FNIP2: variants seen among roughly 807,000 people sequenced by gnomAD.
FNIP2 encodes the protein folliculin interacting protein 2, also known as folliculin-interacting protein 2.
In FNIP2, 32 loss-of-function variants were observed where a neutral mutation model predicts 108.7. The ratio of observed to expected loss-of-function variants is 0.29; its 90% confidence interval spans 0.22 to 0.40. The LOEUF (loss-of-function observed/expected upper bound fraction) is 0.40, where lower values mean the gene tolerates loss of function less well. FNIP2 is among the 10% of genes least tolerant of loss of function. FNIP2 has a pLI of 1.00. For synonymous variants in FNIP2, 480 were observed against 496.7 expected (o/e 0.97, Z 0.45); for missense variants, 1,202 against 1,381.6 (o/e 0.87, Z 2.06).
intron 7 of FNIP2, 26 bp downstream of exon 7, chr4:158,835,502 A>C (rs748733115): frequency 5.6e-6 from 9 of 1,601,958 alleles, no homozygotes; most frequent in Non-Finnish European, 7.7e-6. Flanking sequence ...TTATTGGTTT[A>C]ACTAACAGAG....
chr4:158,883,013 A>G (rs2126751099), intron 14 of FNIP2, among the ~76,000 whole-genome samples: 1 of 152,174 alleles, frequency 6.6e-6, no homozygotes, highest in East Asian at 1.9e-4. Context: ...AAAGCAAAGA[A>G]AAATTTATAT....
chr4:158,792,372 C>CT (rs879390673), intron 1 of FNIP2, among the ~76,000 whole-genome samples: 2,161 of 134,120 alleles, frequency 0.016, 31 homozygotes, highest in African/African-American at 0.034. Context: ...GAATTTAGTG[C>CT]TTTTTTTTTT....
At chr4:158,822,514 C>T (rs529496411) in intron 1 of FNIP2, among the ~76,000 whole-genome samples, 61 of 152,164 alleles carry the variant, frequency 4.0e-4, no homozygotes, top group African/African-American at 3.9e-4. Flanking sequence ...GTTTAACAGA[C>T]GGGATCTCAC....
intron 16 of FNIP2, 32 bp downstream of exon 16, chr4:158,895,897 T>C (rs769626331): frequency 2.7e-6 from 4 of 1,467,818 alleles, no homozygotes; most frequent in Non-Finnish European, 3.8e-6. Flanking sequence ...CACTTGTCCC[T>C]TTGATAGGTA....
At chr4:158,780,805 G>T (rs1776016685) in intron 1 of FNIP2, among the ~76,000 whole-genome samples, 1 of 152,200 alleles carries the variant, frequency 6.6e-6, no homozygotes, top group African/African-American at 2.4e-5. Flanking sequence ...GGCTGAGGCA[G>T]GCAGATCATT....
intron 8 of FNIP2, among the ~76,000 whole-genome samples, chr4:158,858,307 G>T (rs1346918366): frequency 6.6e-6 from 1 of 152,102 alleles, no homozygotes; most frequent in Admixed American, 6.6e-5. Context: ...TATTTTATTT[G>T]TACTCTTGCT....
At position 158,869,351 on chromosome 4, in the gene FNIP2, C is replaced by T. The variant is rs372959949; in HGVS notation, c.2715C>T (p.Cys905=). The change falls in exon 13 of 17, where the codon TGC becomes TGT. Residue 905 remains cysteine (C), a synonymous_variant. Transcript: ENST00000264433. ...TGGGAGACAGTGACGACGAAGCCTG[C>T]GCTTCAGCCATGCTAGATCTGGGTC... ...SALGDSDDEA[C]ASAMLDLGHG... 2.3e-5 allele frequency: 37 copies of T among 1,612,664 alleles called. No individual in the cohort carries two copies. Among genetic ancestry groups the T allele is most frequent in the Non-Finnish European group, 2.6e-5 (31 of 1,179,434 alleles).
chr4:158,785,978 A>C (rs1253375363), intron 1 of FNIP2, among the ~76,000 whole-genome samples: 1 of 152,218 alleles, frequency 6.6e-6, no homozygotes, highest in Non-Finnish European at 1.5e-5. Context: ...AGGGTCTGTC[A>C]TAAGAATAGT....
intron 1 of FNIP2, among the ~76,000 whole-genome samples, chr4:158,805,251 G>C (rs758158776): frequency 3.9e-5 from 6 of 152,192 alleles, no homozygotes; most frequent in Non-Finnish European, 8.8e-5. Flanking sequence ...ACTAAGAAAA[G>C]GAAAAGAATT....
intron 1 of FNIP2, among the ~76,000 whole-genome samples, chr4:158,788,231 C>T (rs1051430728): frequency 1.3e-5 from 2 of 152,210 alleles, no homozygotes; most frequent in South Asian, 2.1e-4. Flanking sequence ...TCCTGGAAGC[C>T]TTTGCCGATA....
At position 158,905,352 on chromosome 4, in the gene FNIP2, C is replaced by CT. The variant is rs1427146315; in HGVS notation, c.*813dup. 2.0e-5 allele frequency: 3 copies of CT among 152,180 alleles called. No homozygotes were observed. The highest frequency in any genetic ancestry group is 1.3e-4 in the Admixed American group (2 of 15,274). The allele number at this position is 152,180 out of a possible 1,614,324, so 9.4% of individuals were successfully genotyped here. A position where few individuals can be genotyped will look rare whatever the true frequency, so the allele number is the denominator to read the frequency against. On this transcript the variant is annotated 3_prime_UTR_variant, in exon 17 of 17. Coordinates refer to ENST00000264433, the MANE Select transcript of FNIP2 (RefSeq NM_020840.3). ...CTTATATTTTAGAGCTTTCAGCAGC[C>CT]TTTTTAAGAGAGGCCACTTACCAAA...
At chr4:158,840,643 A>C (rs1023989500) in intron 7 of FNIP2, among the ~76,000 whole-genome samples, 1 of 152,072 alleles carries the variant, frequency 6.6e-6, no homozygotes, top group South Asian at 2.1e-4. Flanking sequence ...TGATTCACCC[A>C]CCTCAGCCTC....
intron 1 of FNIP2, among the ~76,000 whole-genome samples, chr4:158,784,657 TC>T (rs1776157169): frequency 6.6e-6 from 1 of 152,088 alleles, no homozygotes; most frequent in African/African-American, 2.4e-5. Flanking sequence ...GCAGCCTAGC[TC>T]CCTCGCGTGC....
intron 14 of FNIP2, among the ~76,000 whole-genome samples, chr4:158,889,413 T>G (rs1401664506): frequency 4.6e-5 from 7 of 152,224 alleles, no homozygotes; most frequent in Non-Finnish European, 1.0e-4. Context: ...AGCAGTTAGT[T>G]GCTTAAAACA....
intron 16 of FNIP2, among the ~76,000 whole-genome samples, chr4:158,902,557 G>GT (rs142403816): frequency 0.032 from 4,798 of 152,300 alleles, 110 homozygotes; most frequent in Non-Finnish European, 0.048. Context: ...AGGCAGGGAT[G>GT]TTTAAGTCTG....
intron 14 of FNIP2, among the ~76,000 whole-genome samples, chr4:158,870,957 C>T (rs1205618343): frequency 6.6e-6 from 1 of 152,200 alleles, no homozygotes; most frequent in African/African-American, 2.4e-5. Context: ...GGTGGGTTAG[C>T]AGATAGGCTG....
At chr4:158,882,341 A>T (rs1251388436) in intron 14 of FNIP2, among the ~76,000 whole-genome samples, 5 of 150,326 alleles carry the variant, frequency 3.3e-5, no homozygotes, top group Non-Finnish European at 5.9e-5. Context: ...GGTGAGGGGC[A>T]GCCCCCGTCC....
chr4:158,824,039 T>G (rs911768859), intron 1 of FNIP2, among the ~76,000 whole-genome samples: 3 of 152,170 alleles, frequency 2.0e-5, no homozygotes, highest in African/African-American at 7.2e-5. Context: ...AGAAAACAAA[T>G]CTGCTACCCA....
At chr4:158,788,492 CT>C (rs1230819440) in intron 1 of FNIP2, among the ~76,000 whole-genome samples, 3 of 152,162 alleles carry the variant, frequency 2.0e-5, no homozygotes, top group Non-Finnish European at 4.4e-5. Flanking sequence ...TTGTGATGAT[CT>C]TTTTGCCTTT....
Sources: gnomAD v4.1 joint callset for allele counts (sites outside exome capture counted in the v4.1 genomes callset) on GRCh38, gnomAD v4.1.1 for gene constraint, MANE v1.5 for transcripts, NCBI Gene and HGNC (gene_info 2026-07-23, HGNC 2026-07-21) for gene names.